The following LRRC75B variants were observed in gnomAD, a reference collection of about 807,000 sequenced individuals.
LRRC75B encodes leucine-rich repeat-containing protein 75B.
Under a neutral mutation model 16.5 loss-of-function variants are expected in LRRC75B, and 20 were observed. The observed-to-expected ratio is 1.21, with a 90% CI of 0.85 to 1.76. The LOEUF (loss-of-function observed/expected upper bound fraction) is 1.76, where lower values mean the gene tolerates loss of function less well. LRRC75B is among the 40% of genes most tolerant of loss of function. The pLI is 0.00. For missense variants in LRRC75B, 406 were observed against 417.0 expected, an observed-to-expected ratio of 0.97 and a Z score of 0.23; for synonymous variants, 199 against 198.1, an observed-to-expected ratio of 1.00 and a Z score of -0.04.
At chr22:24,589,034 T>C in intron 2 of LRRC75B, 2 of 1,022,384 alleles carry the variant, frequency 2.0e-6, no homozygotes, top group Non-Finnish European at 2.4e-6. Flanking sequence ...CTGCAAGCCC[T>C]GGCTGTTCCT....
chr22:24,589,180 G>A, intron 2 of LRRC75B: 1 of 1,182,742 alleles, frequency 8.5e-7, no homozygotes, highest in Non-Finnish European at 1.1e-6. Flanking sequence ...TGGGTCCGGT[G>A]GCTGGTCACA....
intron 1 of LRRC75B, among the ~76,000 whole-genome samples, chr22:24,590,415 T>G (rs559715653): frequency 2.0e-5 from 3 of 152,134 alleles, no homozygotes; most frequent in Non-Finnish European, 4.4e-5. Flanking sequence ...CACTCAGCCT[T>G]GGAGGACCCT....
intron 3 of LRRC75B, among the ~76,000 whole-genome samples, chr22:24,587,729 C>A (rs542021941): frequency 6.6e-6 from 1 of 152,322 alleles, no homozygotes; most frequent in African/African-American, 2.4e-5. Flanking sequence ...GGCAGCCTGG[C>A]AGTGGCAAAG....
chr22:24,590,871 C>T (rs2045549034), intron 1 of LRRC75B, among the ~76,000 whole-genome samples: 1 of 152,184 alleles, frequency 6.6e-6, no homozygotes, highest in Admixed American at 6.5e-5. Flanking sequence ...CCCCCCAGCA[C>T]TCTTCCGTCC....
At chr22:24,592,625 C>T (rs1352491201) in intron 1 of LRRC75B, 2 of 586,646 alleles carry the variant, frequency 3.4e-6, no homozygotes, top group Non-Finnish European at 2.8e-6. Context: ...CCCTCCTCCA[C>T]ACGGTCCGCC....
At position 24,585,933 on chromosome 22, in the gene LRRC75B, T is replaced by C. The variant is rs2045379093; in HGVS notation, c.901A>G (p.Thr301Ala). The C allele has an allele frequency of 1.9e-6, 3 of 1,608,052 alleles. No homozygotes were observed. Among genetic ancestry groups the C allele is most frequent in the Admixed American group, 1.7e-5 (1 of 59,822 alleles). ...ATTPASTWDS[T>A]AAGLGPEPQA... is the part of the protein sequence containing the mutation. The stretch of plus-strand genomic sequence containing the variant: ...GGCTCGGGTCCCAGCCCAGCAGCTG[T>C]GGAGTCCCAGGTGGAGGCAGGGGTG... The change falls in exon 4 of 4, where the codon ACA (threonine) becomes GCA (alanine). Residue 301 changes from threonine (T) to alanine (A), a missense_variant. Thr to Ala is a moderately conservative substitution (Grantham distance 58, BLOSUM62 0). Coordinates refer to ENST00000318753, the MANE Select transcript of LRRC75B (RefSeq NM_207644.3).
chr22:24,592,801 AC>A, intron 1 of LRRC75B, 61 bp downstream of exon 1: 4 of 1,225,396 alleles, frequency 3.3e-6, no homozygotes, highest in Non-Finnish European at 2.0e-6. Context: ...CGCCTCCCAG[AC>A]CCCCAGACCC....
At chr22:24,592,233 C>G (rs1460436142) in intron 1 of LRRC75B, 2 of 456,040 alleles carry the variant, frequency 4.4e-6, no homozygotes, top group Non-Finnish European at 8.9e-6. Flanking sequence ...TGTGTAGGAG[C>G]AGAGCCACCA....
chr22:24,591,585 TGGACCTCAA>T (rs2147171698), intron 1 of LRRC75B, among the ~76,000 whole-genome samples: 1 of 152,358 alleles, frequency 6.6e-6, no homozygotes, highest in South Asian at 2.1e-4. Flanking sequence ...AGGCCCCGGC[TGGACCTCAA>T]ATCCCAACCT....
At chr22:24,587,218 G>C (rs1342109437) in intron 3 of LRRC75B, among the ~76,000 whole-genome samples, 3 of 152,246 alleles carry the variant, frequency 2.0e-5, no homozygotes, top group Non-Finnish European at 4.4e-5. Flanking sequence ...ACCGGGGATA[G>C]AGAGGGACAG....
At chr22:24,589,250 AT>A (rs2045494655) in intron 2 of LRRC75B, 42 of 1,269,242 alleles carry the variant, frequency 3.3e-5, no homozygotes, top group Non-Finnish European at 4.3e-5. Flanking sequence ...TGCTGTCAGC[AT>A]GGGGTTCTGG....
chr22:24,593,050 CGAT>C lies in LRRC75B; in HGVS notation c.-14_-12del. On this transcript the variant is annotated 5_prime_UTR_variant, in exon 1 of 4. Transcript: ENST00000318753. ...CAGCCGCGCCCCCATGGCCGCCGCG[CGAT>C]GGTCGCCGAACCCACAGGAGGCCGG... is the stretch of plus-strand genomic sequence containing the variant. 1 of 1,041,066 alleles carries C rather than the reference CGAT, an allele frequency of 9.6e-7. No individual in the cohort carries two copies. The highest frequency in any genetic ancestry group is 1.7e-5 in the African/African-American group (1 of 58,466). 64.5% of individuals were successfully genotyped at this position (1,041,066 alleles called of 1,614,324 possible). A position where few individuals can be genotyped will look rare whatever the true frequency, so the allele number is the denominator to read the frequency against.
chr22:24,589,155 C>T, intron 2 of LRRC75B: 1 of 1,146,826 alleles, frequency 8.7e-7, no homozygotes, highest in South Asian at 1.8e-5. Flanking sequence ...TGGGGACTCA[C>T]TGTGACTAGG....
chr22:24,585,716 G>A lies in LRRC75B; in HGVS notation c.*170C>T. ...TGAGGGAAGGCTGAGCCTCTAGCCA[G>A]GGCTGGCCACCTGGCCACCTATGAG... On this transcript the variant is annotated 3_prime_UTR_variant, in exon 4 of 4. Transcript: ENST00000318753. 1.3e-6 allele frequency: 1 copy of A among 765,160 alleles called. No homozygotes were observed. Among genetic ancestry groups the A allele is most frequent in the South Asian group, 1.9e-5 (1 of 52,850 alleles). The allele number at this position is 765,160 out of a possible 1,614,324, so 47.4% of individuals were successfully genotyped here. A position where few individuals can be genotyped will look rare whatever the true frequency, so the allele number is the denominator to read the frequency against.
intron 1 of LRRC75B, 117 bp downstream of exon 1, chr22:24,592,746 C>CG (rs1276979484): frequency 7.8e-7 from 1 of 1,283,560 alleles, no homozygotes; most frequent in Non-Finnish European, 9.9e-7. Context: ...GAGACCAGCT[C>CG]CGCCTCGCCT....
chr22:24,586,458 C>T (rs776288075), intron 3 of LRRC75B, 47 bp from the exon 4 acceptor site: 5 of 1,562,076 alleles, frequency 3.2e-6, no homozygotes, highest in South Asian at 1.2e-5. Context: ...CCAGGCAGTC[C>T]CCCCACTGAC....
In LRRC75B at chr22:24,589,900, A is replaced by C. The variant is rs1313426326; in HGVS notation, c.227T>G (p.Val76Gly). Residue 76 changes from valine (V) to glycine (G), a missense_variant, in exon 2 of 4, where the codon GTG becomes GGG. Physicochemically the swap from Val to Gly is moderately radical, Grantham distance 109. Transcript: ENST00000318753. ...TLLPDILYRD[V>G]AFLNPVDPIS... ...GGGGTCGACCGGGTTGAGGAAGGCC[A>C]CATCTCTGTAGAGGATATCAGGAAG... 25 of 1,613,382 alleles carry C rather than the reference A, an allele frequency of 1.5e-5. No individual in the cohort carries two copies. Among genetic ancestry groups the C allele is most frequent in the Non-Finnish European group, 2.1e-5 (25 of 1,179,674 alleles).
chr22:24,586,278 C>G lies in LRRC75B; in HGVS notation c.556G>C (p.Asp186His), dbSNP rs2045390150. Residue 186 changes from aspartate (D) to histidine (H), a missense_variant, in exon 4 of 4, where the codon GAC (aspartate) becomes CAC (histidine). Physicochemically the swap from Asp to His is moderately conservative, Grantham distance 81. Transcript: ENST00000318753. ...SSHGAVLAVL[D>H]LSFTGLSDEL... is the part of the protein sequence containing the mutation. ...TCACTCAGCCCCGTGAAGCTCAGGT[C>G]CAGCACCGCCAGCACAGCACCATGG... 2 of 1,613,882 alleles carry G rather than the reference C, an allele frequency of 1.2e-6. No homozygotes were observed. The highest frequency in any genetic ancestry group is 8.5e-7 in the Non-Finnish European group (1 of 1,180,036).
In LRRC75B at chr22:24,585,735, C is replaced by T; in HGVS notation, c.*151G>A. The T allele has an allele frequency of 1.1e-6, 1 of 940,634 alleles. No individual in the cohort carries two copies. Among genetic ancestry groups the T allele is most frequent in the Non-Finnish European group, 1.5e-6 (1 of 648,682 alleles). The allele number at this position is 940,634 out of a possible 1,614,324, so 58.3% of individuals were successfully genotyped here. Reference sequence around the variant, plus strand: ...TAGCCAGGGCTGGCCACCTGGCCACCTATGAGTCCATTCTTCTGTCCCCTT... The same window carrying T: ...TAGCCAGGGCTGGCCACCTGGCCACTTATGAGTCCATTCTTCTGTCCCCTT... On this transcript the variant is annotated 3_prime_UTR_variant, in exon 4 of 4. Coordinates refer to ENST00000318753, the MANE Select transcript of LRRC75B (RefSeq NM_207644.3).
Sources: gnomAD v4.1 joint callset for allele counts (sites outside exome capture counted in the v4.1 genomes callset) on GRCh38, gnomAD v4.1.1 for gene constraint, MANE v1.5 for transcripts, NCBI Gene and HGNC (gene_info 2026-07-23, HGNC 2026-07-21) for gene names.